PLB1: variants seen among roughly 807,000 people sequenced by gnomAD.
PLB1 encodes the protein phospholipase B1.
PLB1 carries 242 observed loss-of-function variants against 227.4 expected under a neutral mutation model. That is an observed-to-expected ratio of 1.06 (90% CI 0.96 to 1.18). The LOEUF is 1.18. Among genes scored for constraint, PLB1 ranks in the 50% most tolerant of loss-of-function variants. The probability of loss-of-function intolerance (pLI) is 0.00; values close to 1 mark genes in which losing one functional copy is unlikely to be tolerated. For synonymous variants in PLB1, 757 were observed against 682.2 expected (o/e 1.11, Z -1.71); for missense variants, 1,858 against 1,816.3 (o/e 1.02, Z -0.42).
At chr2:28,516,395 T>C (rs748969098) in intron 1 of PLB1, among the ~76,000 whole-genome samples, 6 of 152,190 alleles carry the variant, frequency 3.9e-5, no homozygotes, top group Non-Finnish European at 7.3e-5. Context: ...ACATTACCCT[T>C]CAAACTATTT....
At chr2:28,534,170 C>A (rs1027794172) in intron 9 of PLB1, among the ~76,000 whole-genome samples, 1 of 152,124 alleles carries the variant, frequency 6.6e-6, no homozygotes, top group East Asian at 1.9e-4. Flanking sequence ...GAGTTTATTT[C>A]TCTTCCATGA....
At chr2:28,504,211 T>G (rs2148158580) in intron 1 of PLB1, among the ~76,000 whole-genome samples, 1 of 152,334 alleles carries the variant, frequency 6.6e-6, no homozygotes, top group Non-Finnish European at 1.5e-5. Context: ...TCTACCAACT[T>G]TACCATCTTC....
At chr2:28,538,667 G>C (rs559343203) in intron 10 of PLB1, among the ~76,000 whole-genome samples, 1 of 152,172 alleles carries the variant, frequency 6.6e-6, no homozygotes, top group African/African-American at 2.4e-5. Flanking sequence ...CTGGGGCGAG[G>C]ATAAGATGGA....
At chr2:28,500,436 G>A (rs909788428) in intron 1 of PLB1, among the ~76,000 whole-genome samples, 2 of 152,150 alleles carry the variant, frequency 1.3e-5, no homozygotes, top group African/African-American at 4.8e-5. Flanking sequence ...CTGTGAGACT[G>A]TGTGATTACC....
At chr2:28,581,506 T>G (rs796906314) in intron 23 of PLB1, among the ~76,000 whole-genome samples, 1 of 105,586 alleles carries the variant, frequency 9.5e-6, no homozygotes, top group Admixed American at 8.9e-5. Flanking sequence ...AATAAATAAA[T>G]AAATAAATAA....
At chr2:28,629,026 T>C (rs1279970845) in intron 52 of PLB1, 68 bp from the exon 53 acceptor site, 7 of 1,340,698 alleles carry the variant, frequency 5.2e-6, no homozygotes, top group Non-Finnish European at 7.3e-6. Context: ...AATTGGATTG[T>C]AGATGACCCC....
chr2:28,638,097 G>A (rs1389273567), intron 56 of PLB1, among the ~76,000 whole-genome samples: 2 of 152,002 alleles, frequency 1.3e-5, no homozygotes, highest in African/African-American at 4.8e-5. Flanking sequence ...TGAGGACTCA[G>A]CAGTGAAAAG....
At chr2:28,642,763 C>G (rs1044728856) in intron 57 of PLB1, 95 bp from the exon 58 acceptor site, 1 of 1,081,420 alleles carries the variant, frequency 9.2e-7, no homozygotes. Context: ...GCAGGGTTAT[C>G]GCAGCATCTC....
intron 20 of PLB1, among the ~76,000 whole-genome samples, chr2:28,567,384 G>T (rs1282699467): frequency 6.6e-6 from 1 of 151,874 alleles, no homozygotes; most frequent in East Asian, 1.9e-4. Flanking sequence ...GTTATCTTGT[G>T]CAGGCTGTGC....
At chr2:28,584,175 T>C (rs1680526713) in intron 25 of PLB1, among the ~76,000 whole-genome samples, 1 of 152,154 alleles carries the variant, frequency 6.6e-6, no homozygotes, top group South Asian at 2.1e-4. Flanking sequence ...ACTGCTAGCA[T>C]GGTGTAGGGG....
At chr2:28,640,447 C>T (rs939061965) in intron 56 of PLB1, among the ~76,000 whole-genome samples, 1 of 152,192 alleles carries the variant, frequency 6.6e-6, no homozygotes, top group Admixed American at 6.5e-5. Flanking sequence ...AAGTCAAGTG[C>T]AGTAATGATG....
chr2:28,586,981 A>C (rs1681006973), intron 26 of PLB1, among the ~76,000 whole-genome samples: 1 of 151,964 alleles, frequency 6.6e-6, no homozygotes, highest in Admixed American at 6.6e-5. Flanking sequence ...ACTCCTGCAC[A>C]CAAGCAATCC....
chr2:28,574,370 T>A (rs1206221988), intron 21 of PLB1, among the ~76,000 whole-genome samples: 1 of 81,346 alleles, frequency 1.2e-5, no homozygotes, highest in African/African-American at 4.2e-5. Context: ...GTCCCCAAAG[T>A]CCATTATATC....
chr2:28,630,551 C>T, intron 53 of PLB1, 35 bp from the exon 54 acceptor site: 1 of 1,588,096 alleles, frequency 6.3e-7, no homozygotes, highest in Non-Finnish European at 8.6e-7. Context: ...CACAGTGCCC[C>T]AGGCAGCCTC....
At position 28,629,159 on chromosome 2, in the gene PLB1, C is replaced by A. The variant is rs562621754; in HGVS notation, c.3792C>A (p.Gly1264=). 1.2e-6 allele frequency: 2 copies of A among 1,613,616 alleles called. No homozygotes were observed. Among genetic ancestry groups the A allele is most frequent in the East Asian group, 2.2e-5 (1 of 44,880 alleles). ...MELASLYQGQ[G]GKCAMLAAQN... ...TGGCTAGCCTGTACCAGGGCCAAGG[C>A]GGGAAATGTGCCATGCTGGCAGCTC... The change falls in exon 53 of 58, where the codon GGC becomes GGA. Residue 1264 remains glycine (G), a synonymous_variant. Coordinates refer to ENST00000327757, the MANE Select transcript of PLB1 (RefSeq NM_153021.5).
At chr2:28,609,235 C>G (rs1164073940) in intron 43 of PLB1, among the ~76,000 whole-genome samples, 1 of 152,144 alleles carries the variant, frequency 6.6e-6, no homozygotes, top group Non-Finnish European at 1.5e-5. Context: ...TTTCTTTTCT[C>G]TCTCTCCACA....
chr2:28,574,171 T>C (rs1678488797), intron 21 of PLB1, among the ~76,000 whole-genome samples: 1 of 152,242 alleles, frequency 6.6e-6, no homozygotes, highest in Non-Finnish European at 1.5e-5. Context: ...ATCCTTTCTT[T>C]CTTATACTAT....
Position 28,643,024 on chromosome 2 carries a change from A to C in PLB1, c.4340A>C (p.Glu1447Ala), listed in dbSNP as rs1690143659. ...VWRCRRGGRR[E>A]DPPMSLRTVA... ...AGGTGCAGGAGAGGTGGCCGGAGGG[A>C]AGATCCTCCAATGAGCCTGCGCACT... is the stretch of plus-strand genomic sequence containing the variant. Residue 1447 changes from glutamate to alanine, a missense_variant, in exon 58 of 58, where the codon GAA becomes GCA. Transcript: ENST00000327757. 2 of 1,609,920 alleles carry C rather than the reference A, an allele frequency of 1.2e-6. No individual in the cohort carries two copies. Among genetic ancestry groups the C allele is most frequent in the Non-Finnish European group, 1.7e-6 (2 of 1,178,498 alleles).
intron 26 of PLB1, among the ~76,000 whole-genome samples, chr2:28,588,730 A>G (rs1219985883): frequency 2.0e-5 from 3 of 152,250 alleles, no homozygotes; most frequent in African/African-American, 7.2e-5. Flanking sequence ...CACCATGCAC[A>G]GGCAATATAA....
Sources: allele counts gnomAD v4.1 joint callset (sites outside exome capture counted in the v4.1 genomes callset), GRCh38; gene constraint gnomAD v4.1.1; transcripts MANE v1.5; gene names NCBI Gene and HGNC (gene_info 2026-07-23, HGNC 2026-07-21).